Variants in BCKDHB observed in about 807,000 individuals in gnomAD.
BCKDHB encodes branched chain keto acid dehydrogenase E1 subunit beta.
BCKDHB carries 41 observed loss-of-function variants against 48.5 expected under a neutral mutation model. The ratio of observed to expected loss-of-function variants is 0.85; its 90% CI spans 0.66 to 1.10. BCKDHB has a LOEUF of 1.10. Among genes scored for constraint, BCKDHB ranks in the 50% least tolerant of loss-of-function variants. The pLI is 0.00. For missense variants in BCKDHB, 496 were observed against 494.2 expected, an observed-to-expected ratio of 1.00 and a Z score of -0.03; for synonymous variants, 201 against 174.8, an observed-to-expected ratio of 1.15 and a Z score of -1.18.
chr6:80,151,540 C>T (rs1056013303), intron 3 of BCKDHB, among the ~76,000 whole-genome samples: 2 of 151,742 alleles, frequency 1.3e-5, no homozygotes, highest in Non-Finnish European at 2.9e-5. Flanking sequence ...CAGTGAGACT[C>T]AGATATTTTG....
chr6:80,291,366 G>T (rs755691352), intron 9 of BCKDHB, among the ~76,000 whole-genome samples: 13 of 152,134 alleles, frequency 8.5e-5, no homozygotes, highest in Non-Finnish European at 1.2e-4. Flanking sequence ...GGTATGTCAA[G>T]GGCCATTTAT....
intron 6 of BCKDHB, among the ~76,000 whole-genome samples, chr6:80,174,306 T>C (rs2127782699): frequency 6.6e-6 from 1 of 152,278 alleles, no homozygotes; most frequent in South Asian, 2.1e-4. Context: ...ATAAAAATAA[T>C]TGGGAGTTAA....
At chr6:80,159,080 A>G (rs1342524035) in intron 3 of BCKDHB, among the ~76,000 whole-genome samples, 1 of 152,228 alleles carries the variant, frequency 6.6e-6, no homozygotes, top group African/African-American at 2.4e-5. Flanking sequence ...TGGTAACTCT[A>G]ATAATAAGGT....
chr6:80,404,109 C>T, the BCKDHB span, among the ~76,000 whole-genome samples: 1 of 151,602 alleles, frequency 6.6e-6, no homozygotes, highest in African/African-American at 2.4e-5. Context: ...GTTTCAAAGT[C>T]TTCTCACTTC....
chr6:80,196,558 A>G (rs578202144), intron 6 of BCKDHB, among the ~76,000 whole-genome samples: 3 of 152,164 alleles, frequency 2.0e-5, no homozygotes, highest in Non-Finnish European at 4.4e-5. Flanking sequence ...TTTTCAATTC[A>G]TATTCCAGCA....
chr6:80,187,009 A>G (rs986456819), intron 6 of BCKDHB, among the ~76,000 whole-genome samples: 1 of 152,174 alleles, frequency 6.6e-6, no homozygotes, highest in Admixed American at 6.5e-5. Context: ...CAAAGTAAGT[A>G]GCCTGTGAAT....
intron 1 of BCKDHB, 21 bp from the exon 2 acceptor site, chr6:80,127,525 AT>A (rs201800966): frequency 9.0e-4 from 1,318 of 1,457,870 alleles, no homozygotes; most frequent in Non-Finnish European, 1.1e-3. Flanking sequence ...ACACGAAATG[AT>A]TTTTTTTTTG....
At chr6:80,334,980 A>G (rs1769498833) in intron 9 of BCKDHB, among the ~76,000 whole-genome samples, 1 of 151,934 alleles carries the variant, frequency 6.6e-6, no homozygotes, top group Admixed American at 6.6e-5. Flanking sequence ...GGTGCCAGAG[A>G]GGGAGAAATC....
chr6:80,389,569 C>T, the BCKDHB span, among the ~76,000 whole-genome samples: 1 of 152,222 alleles, frequency 6.6e-6, no homozygotes, highest in African/African-American at 2.4e-5. Flanking sequence ...GCTTTATCCA[C>T]CATCATGGTG....
chr6:80,318,033 T>C (rs1768534094), intron 9 of BCKDHB, among the ~76,000 whole-genome samples: 1 of 152,190 alleles, frequency 6.6e-6, no homozygotes, highest in African/African-American at 2.4e-5. Flanking sequence ...TGTCAGGATA[T>C]ACACTGTACT....
rs188780547 is a variant in BCKDHB, at chr6:80,207,248, G to C, written c.951+4036G>C. ...TTAAATATATGGAATTGAAATGTAA[G>C]ACAATAAAAACACAAAAGCTAGGGG... On this transcript the variant is annotated intron_variant, in intron 8 of 9. Coordinates refer to ENST00000320393, the MANE Select transcript of BCKDHB (RefSeq NM_183050.4). Among the ~76,000 whole-genome samples the C allele has an allele frequency of 2.7e-3, 413 of 151,990 alleles. 2 individuals are homozygous for C. Among genetic ancestry groups the C allele is most frequent in the African/African-American group, 9.2e-3 (382 of 41,526 alleles).
chr6:80,266,953 T>C (rs1408722588), intron 8 of BCKDHB, among the ~76,000 whole-genome samples: 2 of 151,986 alleles, frequency 1.3e-5, no homozygotes, highest in African/African-American at 4.8e-5. Context: ...CTTGAATGAT[T>C]TGGAGTGCTG....
At chr6:80,123,391 G>C (rs563905183) in intron 1 of BCKDHB, among the ~76,000 whole-genome samples, 1 of 152,114 alleles carries the variant, frequency 6.6e-6, no homozygotes. Flanking sequence ...AAATTTTCAC[G>C]ATTTATGTTC....
At chr6:80,452,253 A>G in the BCKDHB span, among the ~76,000 whole-genome samples, 5 of 152,206 alleles carry the variant, frequency 3.3e-5, no homozygotes, top group Non-Finnish European at 5.9e-5. Context: ...TGGGGTAGAG[A>G]TGTATATTCC....
chr6:80,196,461 A>G (rs1275496684), intron 6 of BCKDHB, among the ~76,000 whole-genome samples: 6 of 152,062 alleles, frequency 3.9e-5, no homozygotes, highest in Admixed American at 1.3e-4. Flanking sequence ...TCCCATTGCT[A>G]TATTATGATT....
the BCKDHB span, among the ~76,000 whole-genome samples, chr6:80,399,467 A>G: frequency 6.6e-6 from 1 of 152,074 alleles, no homozygotes; most frequent in Admixed American, 6.6e-5. Flanking sequence ...ATCAAGCTGG[A>G]AGCCAAATCA....
At chr6:80,400,368 C>CA in the BCKDHB span, among the ~76,000 whole-genome samples, 1 of 151,862 alleles carries the variant, frequency 6.6e-6, no homozygotes, top group African/African-American at 2.4e-5. Context: ...CTTAAATTTA[C>CA]AAAAAACACC....
chr6:80,421,418 G>T, the BCKDHB span, among the ~76,000 whole-genome samples: 1 of 152,168 alleles, frequency 6.6e-6, no homozygotes, highest in South Asian at 2.1e-4. Context: ...CTGGGAGTGG[G>T]GCACTGCTAT....
chr6:80,211,143 A>G (rs1774914424), intron 8 of BCKDHB, among the ~76,000 whole-genome samples: 2 of 152,212 alleles, frequency 1.3e-5, no homozygotes, highest in African/African-American at 4.8e-5. Context: ...CTGCAAAAAA[A>G]GAACTGAAGC....
Sources: gnomAD v4.1 joint callset for allele counts (sites outside exome capture counted in the v4.1 genomes callset) on GRCh38, gnomAD v4.1.1 for gene constraint, MANE v1.5 for transcripts, NCBI Gene and HGNC (gene_info 2026-07-23, HGNC 2026-07-21) for gene names.